Variants in PBX1 observed in about 807,000 individuals in gnomAD.
PBX1 encodes PBX homeobox 1.
In PBX1, 6 loss-of-function variants were observed where a neutral mutation model predicts 53.4. The ratio of observed to expected loss-of-function variants is 0.11; its 90% CI spans 0.06 to 0.22. PBX1 has a LOEUF of 0.22. Ranked by LOEUF, PBX1 falls within the 10% of genes least tolerant of loss-of-function variation. PBX1 has a pLI of 1.00. For synonymous variants in PBX1, 204 were observed against 212.3 expected, an observed-to-expected ratio of 0.96 and a Z score of 0.34; for missense variants, 251 against 551.4, an observed-to-expected ratio of 0.46 and a Z score of 5.46.
At chr1:164,846,319 T>G (rs1378059703) in intron 8 of PBX1, among the ~76,000 whole-genome samples, 5 of 152,170 alleles carry the variant, frequency 3.3e-5, no homozygotes, top group Non-Finnish European at 7.3e-5. Flanking sequence ...GGCTGGGACT[T>G]AATTACAGAG....
intron 2 of PBX1, among the ~76,000 whole-genome samples, chr1:164,654,397 G>A (rs1660023132): frequency 6.6e-6 from 1 of 152,134 alleles, no homozygotes; most frequent in Admixed American, 6.5e-5. Context: ...CAGGCCTCAG[G>A]TTTCATTGAT....
At chr1:164,562,492 C>T (rs966571783) in intron 1 of PBX1, among the ~76,000 whole-genome samples, 2 of 145,782 alleles carry the variant, frequency 1.4e-5, no homozygotes, top group African/African-American at 5.1e-5. Flanking sequence ...CACACACACA[C>T]ACCAGGTAAA....
At chr1:164,723,262 CAAGAAGCCA>C (rs1664506702) in intron 2 of PBX1, among the ~76,000 whole-genome samples, 1 of 152,122 alleles carries the variant, frequency 6.6e-6, no homozygotes, top group African/African-American at 2.4e-5. Context: ...CTTCTTAAAC[CAAGAAGCCA>C]AAGAGAGGGA....
At chr1:164,657,603 A>G (rs1660237411) in intron 2 of PBX1, among the ~76,000 whole-genome samples, 1 of 152,248 alleles carries the variant, frequency 6.6e-6, no homozygotes, top group Non-Finnish European at 1.5e-5. Context: ...AGTTGATAGT[A>G]AAATATGGAG....
At chr1:164,616,478 A>G (rs1382772166) in intron 2 of PBX1, among the ~76,000 whole-genome samples, 1 of 152,342 alleles carries the variant, frequency 6.6e-6, no homozygotes, top group East Asian at 1.9e-4. Context: ...CTCCCTTGAG[A>G]AATATATTCC....
In PBX1 at chr1:164,703,810, T is replaced by G. The variant is rs116594338; in HGVS notation, c.266-88684T>G. Reference sequence around the variant, plus strand: ...GATGATTCCTCCTCCTACCTTTTCCTAAGTCCCTTCTCCACACATCCAATT... The same window carrying G: ...GATGATTCCTCCTCCTACCTTTTCCGAAGTCCCTTCTCCACACATCCAATT... On this transcript the variant is annotated intron_variant, in intron 2 of 8. Coordinates refer to ENST00000420696, the MANE Select transcript of PBX1 (RefSeq NM_002585.4). Among the ~76,000 whole-genome samples, 961 of 152,324 alleles carry G rather than the reference T, an allele frequency of 6.3e-3. 17 individuals are homozygous for G. The highest frequency in any genetic ancestry group is 0.022 in the African/African-American group (906 of 41,574).
intron 8 of PBX1, among the ~76,000 whole-genome samples, chr1:164,824,764 C>T (rs2102374360): frequency 6.6e-6 from 1 of 152,246 alleles, no homozygotes; most frequent in East Asian, 1.9e-4. Flanking sequence ...TAGAGTGGCT[C>T]TAAGTAATGG....
chr1:164,590,190 C>T (rs868133990), intron 2 of PBX1, among the ~76,000 whole-genome samples: 6 of 147,110 alleles, frequency 4.1e-5, no homozygotes, highest in Admixed American at 1.4e-4. Flanking sequence ...CCAGCCTGGG[C>T]AACAGAGCGA....
intron 2 of PBX1, among the ~76,000 whole-genome samples, chr1:164,860,745 A>G (rs1367950488): frequency 6.6e-6 from 1 of 152,156 alleles, no homozygotes. Flanking sequence ...GCCTTGAATT[A>G]CCTTTCAATG....
Position 164,667,432 on chromosome 1 carries a change from G to A in PBX1, c.265+104121G>A, listed in dbSNP as rs74482117. 3.9e-3 allele frequency among the ~76,000 whole-genome samples: 579 copies of A among 149,770 alleles called. 2 individuals carry two copies. Among genetic ancestry groups the A allele is most frequent in the African/African-American group, 0.013 (525 of 40,636 alleles). On this transcript the variant is annotated intron_variant, in intron 2 of 8. Coordinates refer to ENST00000420696, the MANE Select transcript of PBX1 (RefSeq NM_002585.4). Reference sequence around the variant, plus strand: ...ATAATATGTGTGTGTGTGTGTGTGTGTATATATGTATAGCTCTGTCTATAT... The same window carrying A: ...ATAATATGTGTGTGTGTGTGTGTGTATATATATGTATAGCTCTGTCTATAT...
chr1:164,759,511 T>G (rs1666701966), intron 2 of PBX1, among the ~76,000 whole-genome samples: 1 of 152,210 alleles, frequency 6.6e-6, no homozygotes, highest in South Asian at 2.1e-4. Flanking sequence ...TTATGATTTC[T>G]TTTTTCTTTT....
intron 2 of PBX1, among the ~76,000 whole-genome samples, chr1:164,596,918 AATTT>A (rs1432280888): frequency 6.6e-6 from 1 of 151,818 alleles, no homozygotes; most frequent in Non-Finnish European, 1.5e-5. Flanking sequence ...GGGTCAGAGA[AATTT>A]AGTTCCTTGG....
chr1:164,777,499 C>T (rs548565283), intron 2 of PBX1, among the ~76,000 whole-genome samples: 1 of 152,272 alleles, frequency 6.6e-6, no homozygotes, highest in South Asian at 2.1e-4. Context: ...GAGACTCTGA[C>T]CATAAAGCTA....
chr1:164,751,379 A>G (rs1425864530), intron 2 of PBX1, among the ~76,000 whole-genome samples: 1 of 152,042 alleles, frequency 6.6e-6, no homozygotes, highest in Non-Finnish European at 1.5e-5. Context: ...AATGTGTACA[A>G]TGGAGTTTTC....
intron 8 of PBX1, among the ~76,000 whole-genome samples, chr1:164,822,047 C>CT (rs1558028643): frequency 1.3e-5 from 2 of 152,020 alleles, no homozygotes; most frequent in African/African-American, 4.8e-5. Flanking sequence ...TTTTTTCAAT[C>CT]TGTCTATGGA....
intron 2 of PBX1, among the ~76,000 whole-genome samples, chr1:164,602,352 G>A (rs553866561): frequency 6.6e-5 from 10 of 152,272 alleles, no homozygotes; most frequent in Admixed American, 3.9e-4. Flanking sequence ...TTGGTTATGC[G>A]ACATTCTCTT....
At chr1:164,611,330 C>T (rs1291209534) in intron 2 of PBX1, among the ~76,000 whole-genome samples, 5 of 152,230 alleles carry the variant, frequency 3.3e-5, no homozygotes, top group South Asian at 2.1e-4. Context: ...CTCCGCCTCC[C>T]GGGTTCATGC....
At position 164,737,939 on chromosome 1, in the gene PBX1, C is replaced by G. The variant is rs1665389270; in HGVS notation, c.266-54555C>G. 2.6e-5 allele frequency among the ~76,000 whole-genome samples: 4 copies of G among 152,004 alleles called. No homozygotes were observed. In the South Asian group the frequency reaches 8.3e-4, roughly 32 times the overall value. ...GCACCCACTGATCTGCTTTCTGTTG[C>G]TATTTATAAGCTCTTCTAGAATTTC... On this transcript the variant is annotated intron_variant, in intron 2 of 8. Coordinates refer to ENST00000420696, the MANE Select transcript of PBX1 (RefSeq NM_002585.4).
rs575286377 is a variant in PBX1, at chr1:164,781,205, A to G, written c.266-11289A>G. 3.1e-3 allele frequency among the ~76,000 whole-genome samples: 467 copies of G among 152,250 alleles called. 2 individuals are homozygous for G. Among genetic ancestry groups the G allele is most frequent in the African/African-American group, 0.011 (457 of 41,534 alleles). ...TGTTGTTTGTGGTCATGGAAAAAGA[A>G]AAGCTAATTGGCGTGTGTTTTGAAA... On this transcript the variant is annotated intron_variant, in intron 2 of 8. Coordinates refer to ENST00000420696, the MANE Select transcript of PBX1 (RefSeq NM_002585.4).
Sources: gnomAD v4.1 joint callset for allele counts (sites outside exome capture counted in the v4.1 genomes callset) on GRCh38, gnomAD v4.1.1 for gene constraint, MANE v1.5 for transcripts, NCBI Gene and HGNC (gene_info 2026-07-23, HGNC 2026-07-21) for gene names.